CNTN4: variants seen among roughly 807,000 people sequenced by gnomAD.
CNTN4 encodes the protein contactin 4, also known as contactin-4.
CNTN4 carries 77 observed loss-of-function variants against 122.5 expected under a neutral mutation model. The ratio of observed to expected loss-of-function variants is 0.63; its 90% CI spans 0.52 to 0.76. The LOEUF (loss-of-function observed/expected upper bound fraction) is 0.76. Ranked by LOEUF, CNTN4 falls within the 30% of genes least tolerant of loss-of-function variation. CNTN4 has a pLI of 0.00. For synonymous variants in CNTN4, 512 were observed against 447.0 expected, an observed-to-expected ratio of 1.15 and a Z score of -1.83; for missense variants, 1,256 against 1,259.1, an observed-to-expected ratio of 1.00 and a Z score of 0.04.
chr3:2,192,413 A>G (rs150427506), intron 2 of CNTN4, among the ~76,000 whole-genome samples: 4,627 of 152,244 alleles, frequency 0.03, 255 homozygotes, highest in African/African-American at 0.11. Context: ...CTTTTTAATG[A>G]TCTCCATTGT....
At position 2,385,107 on chromosome 3, in the gene CNTN4, G is replaced by T. The variant is rs2046196899; in HGVS notation, c.-89+45874G>T. Among the ~76,000 whole-genome samples, 1 of 151,930 alleles carries T rather than the reference G, an allele frequency of 6.6e-6. No homozygotes were observed. Among genetic ancestry groups the T allele is most frequent in the African/African-American group, 2.4e-5 (1 of 41,314 alleles). ...CAAATAAATTACATTGCTGATATCA[G>T]AGTGACCTGTTAAAAGTATAAACAT... On this transcript the variant is annotated intron_variant, in intron 3 of 24. Transcript: ENST00000418658. This position sits in a 1 kb window ranked among gnomAD's most constrained non-coding sequence, Gnocchi z 4.0.
intron 6 of CNTN4, among the ~76,000 whole-genome samples, chr3:2,753,499 CA>C (rs1416186578): frequency 2.0e-5 from 3 of 152,144 alleles, no homozygotes; most frequent in Admixed American, 2.0e-4. Context: ...AGGTGAAGAA[CA>C]TGAAAATTAA....
chr3:2,530,858 A>C (rs2077572421), intron 3 of CNTN4, among the ~76,000 whole-genome samples: 1 of 152,208 alleles, frequency 6.6e-6, no homozygotes, highest in African/African-American at 2.4e-5. Context: ...TTTGGAAATA[A>C]TTCTCTTTAA....
intron 4 of CNTN4, among the ~76,000 whole-genome samples, chr3:2,631,856 G>A (rs1351340845): frequency 2.6e-5 from 3 of 114,436 alleles, no homozygotes; most frequent in Non-Finnish European, 5.1e-5. Context: ...TAGGGAGACC[G>A]TATCTCTACA....
chr3:2,155,020 C>T (rs991279872), intron 2 of CNTN4, among the ~76,000 whole-genome samples: 4 of 152,226 alleles, frequency 2.6e-5, no homozygotes, highest in African/African-American at 9.6e-5. Flanking sequence ...CTTCAGATAC[C>T]TTTTCAAAAT....
chr3:2,733,530 G>GT (rs1392401256), intron 4 of CNTN4, among the ~76,000 whole-genome samples: 3 of 114,502 alleles, frequency 2.6e-5, no homozygotes, highest in African/African-American at 4.5e-5. Flanking sequence ...GTGCATGTTT[G>GT]TGTTTTTTTT....
At chr3:2,383,274 C>A (rs992286397) in intron 3 of CNTN4, among the ~76,000 whole-genome samples, 2 of 152,092 alleles carry the variant, frequency 1.3e-5, no homozygotes, top group African/African-American at 4.8e-5. Flanking sequence ...TTATAATACG[C>A]TTGCCTTATA....
rs533188863 is a variant in CNTN4 at position 2,758,877 on chromosome 3, G to A, written c.358+13180G>A. On this transcript the variant is annotated intron_variant, in intron 6 of 24. Coordinates refer to ENST00000418658, the MANE Select transcript of CNTN4 (RefSeq NM_175607.3). ...ACCATACAATTCATTCATTTAAGGT[G>A]TACAATTCAGTGATGTTTAGTTTAT... Among the ~76,000 whole-genome samples the A allele has an allele frequency of 2.6e-5, 4 of 152,144 alleles. No individual in the cohort carries two copies. The East Asian group carries it at 7.7e-4, about 29-fold the overall frequency.
At chr3:2,120,370 T>TAAAA (rs1553568223) in intron 2 of CNTN4, among the ~76,000 whole-genome samples, 1 of 87,776 alleles carries the variant, frequency 1.1e-5, no homozygotes, top group African/African-American at 4.8e-5. Context: ...TATATATATA[T>TAAAA]ATAAATATAT....
intron 4 of CNTN4, among the ~76,000 whole-genome samples, chr3:2,649,954 C>T (rs1424477486): frequency 6.6e-6 from 1 of 150,380 alleles, no homozygotes; most frequent in Non-Finnish European, 1.5e-5. Context: ...CATGGTGAAA[C>T]CCTGTCTACT....
intron 14 of CNTN4, among the ~76,000 whole-genome samples, chr3:3,010,541 T>C (rs970867408): frequency 2.0e-5 from 3 of 152,054 alleles, no homozygotes; most frequent in East Asian, 1.9e-4. Flanking sequence ...AAAAGGATCA[T>C]TGTGACGAAG....
At chr3:2,601,893 C>G (rs2081062758) in intron 4 of CNTN4, among the ~76,000 whole-genome samples, 1 of 152,078 alleles carries the variant, frequency 6.6e-6, no homozygotes, top group Non-Finnish European at 1.5e-5. Flanking sequence ...GCTTATCCAC[C>G]AAGATCAAGT....
At chr3:2,980,601 T>G (rs1165773137) in intron 13 of CNTN4, among the ~76,000 whole-genome samples, 1 of 152,182 alleles carries the variant, frequency 6.6e-6, no homozygotes, top group Non-Finnish European at 1.5e-5. Flanking sequence ...GGCGCTGTTG[T>G]CTGAGGTAAT....
intron 2 of CNTN4, among the ~76,000 whole-genome samples, chr3:2,298,220 T>C (rs1559427623): frequency 6.6e-6 from 1 of 152,230 alleles, no homozygotes; most frequent in Non-Finnish European, 1.5e-5. Context: ...TACAAATGTA[T>C]AATTTTAACC....
intron 4 of CNTN4, among the ~76,000 whole-genome samples, chr3:2,589,150 G>A (rs1319736716): frequency 1.3e-5 from 2 of 152,248 alleles, no homozygotes; most frequent in African/African-American, 4.8e-5. Flanking sequence ...CTAGAACAGC[G>A]ATGGCCTGGC....
intron 2 of CNTN4, among the ~76,000 whole-genome samples, chr3:2,162,215 T>C (rs543229206): frequency 6.7e-4 from 102 of 152,364 alleles, no homozygotes; most frequent in African/African-American, 2.3e-3. Flanking sequence ...GAATTACTCA[T>C]TTTTGTTTAT....
intron 4 of CNTN4, among the ~76,000 whole-genome samples, chr3:2,688,868 G>C (rs2085575294): frequency 6.6e-6 from 1 of 152,170 alleles, no homozygotes; most frequent in South Asian, 2.1e-4. Context: ...TGACGGTTGA[G>C]CATTAAGAAC....
intron 2 of CNTN4, among the ~76,000 whole-genome samples, chr3:2,304,133 G>T (rs1486732059): frequency 6.6e-6 from 1 of 152,054 alleles, no homozygotes; most frequent in Non-Finnish European, 1.5e-5. Flanking sequence ...GAAATTACTT[G>T]TTCATTACAT....
chr3:2,930,759 A>T (rs185601409), intron 13 of CNTN4, among the ~76,000 whole-genome samples: 3 of 152,272 alleles, frequency 2.0e-5, no homozygotes, highest in African/African-American at 7.2e-5. Flanking sequence ...CATTCCATGG[A>T]TGCAGCACTC....
Sources: gnomAD v4.1 joint callset for allele counts (sites outside exome capture counted in the v4.1 genomes callset) on GRCh38, gnomAD v4.1.1 for gene constraint, Gnocchi (gnomAD v3.1) non-coding constraint, MANE v1.5 for transcripts, NCBI Gene and HGNC (gene_info 2026-07-23, HGNC 2026-07-21) for gene names.